RFX2: variants seen among roughly 807,000 people sequenced by gnomAD.
RFX2 encodes the protein DNA-binding protein RFX2.
A neutral mutation model predicts 87.8 loss-of-function variants in RFX2; 20 were observed. That is an observed-to-expected ratio of 0.23 (90% confidence interval 0.16 to 0.33). RFX2 has a LOEUF of 0.33. Ranked by LOEUF, RFX2 falls within the 10% of genes least tolerant of loss-of-function variation. RFX2 has a pLI of 1.00. For missense variants in RFX2, 767 were observed against 1,012.3 expected (o/e 0.76, Z 3.29); for synonymous variants, 397 against 431.3 (o/e 0.92, Z 0.98).
chr19:6,046,008 C>T (rs2087184975), intron 2 of RFX2, among the ~76,000 whole-genome samples: 1 of 152,048 alleles, frequency 6.6e-6, no homozygotes, highest in Non-Finnish European at 1.5e-5. Flanking sequence ...GTTTTAAAAC[C>T]ATAATCATTT....
intron 5 of RFX2, among the ~76,000 whole-genome samples, chr19:6,033,183 A>G (rs1039604778): frequency 6.6e-6 from 1 of 152,134 alleles, no homozygotes. Flanking sequence ...CTTAACTTCA[A>G]CACTCTTAAC....
At chr19:6,019,591 T>G (rs2086781756) in intron 6 of RFX2, among the ~76,000 whole-genome samples, 1 of 147,622 alleles carries the variant, frequency 6.8e-6, no homozygotes. Flanking sequence ...CAGGGATATA[T>G]ATATATATAT....
chr19:6,055,286 G>C (rs1003123474), intron 1 of RFX2, among the ~76,000 whole-genome samples: 10 of 152,142 alleles, frequency 6.6e-5, no homozygotes, highest in African/African-American at 2.2e-4. Flanking sequence ...CTGGAAAGAG[G>C]TTTGGCAGTT....
At chr19:6,029,623 T>C (rs2086931568) in intron 5 of RFX2, among the ~76,000 whole-genome samples, 1 of 152,090 alleles carries the variant, frequency 6.6e-6, no homozygotes, top group Admixed American at 6.6e-5. Flanking sequence ...GCCTGAGAAC[T>C]GTTGAGCCTG....
At chr19:6,073,586 T>C (rs2087640736) in intron 1 of RFX2, 3 of 342,334 alleles carry the variant, frequency 8.8e-6, no homozygotes, top group Non-Finnish European at 1.6e-5. Context: ...TGCAAAAAGA[T>C]ATATAAAAAC....
chr19:6,061,385 G>A lies in RFX2; in HGVS notation c.-8-13881C>T, dbSNP rs557782732. Among the ~76,000 whole-genome samples the A allele has an allele frequency of 6.8e-4, 77 of 113,794 alleles. No individual in the cohort carries two copies. Among genetic ancestry groups the A allele is most frequent in the Non-Finnish European group, 1.1e-3 (64 of 58,212 alleles). 74.7% of individuals were successfully genotyped at this position (113,794 alleles called of 152,430 possible). A position where few individuals can be genotyped will look rare whatever the true frequency, so the allele number is the denominator to read the frequency against. ...ATCAAGGGATTAACTACCAAGGTGG[G>A]GGTTCCAGACCATTTCGATGTCGAA... On this transcript the variant is annotated intron_variant, in intron 1 of 17. Transcript: ENST00000303657. The surrounding 1 kb of genome is among the most constrained non-coding windows in gnomAD (Gnocchi z 5.2).
intron 16 of RFX2, among the ~76,000 whole-genome samples, chr19:5,996,335 G>C (rs572219835): frequency 2.4e-5 from 1 of 40,968 alleles, no homozygotes; most frequent in Non-Finnish European, 4.9e-5. Context: ...ACGGAGGGAC[G>C]AGCGGTCAGC....
At chr19:6,067,068 A>G (rs2087525051) in intron 1 of RFX2, among the ~76,000 whole-genome samples, 1 of 152,240 alleles carries the variant, frequency 6.6e-6, no homozygotes, top group Non-Finnish European at 1.5e-5. Flanking sequence ...AAGGAGGAAC[A>G]ACTCTCTCTG....
chr19:6,018,057 C>A (rs1201685909), intron 6 of RFX2, among the ~76,000 whole-genome samples: 2 of 152,124 alleles, frequency 1.3e-5, no homozygotes, highest in Non-Finnish European at 2.9e-5. Context: ...CACACTGCAA[C>A]CTCCACTTCC....
At position 6,044,267 on chromosome 19, in the gene RFX2, C is replaced by T; in HGVS notation, c.106G>A (p.Ala36Thr). ...GCCCCTTTGGGATTGGAGCTGGCTGCCTGGACCAACACCCTCTAAAAGGGA... is the reference window on the plus strand; with the variant it reads ...GCCCCTTTGGGATTGGAGCTGGCTGTCTGGACCAACACCCTCTAAAAGGGA... ...PASPQRVLVQ[A>T]ASSNPKGAQM... The change falls in exon 3 of 18, where the codon GCA becomes ACA. Residue 36 changes from alanine (A) to threonine (T), a missense_variant. Coordinates refer to ENST00000303657, the MANE Select transcript of RFX2 (RefSeq NM_000635.4). This position sits in a 1 kb window ranked among gnomAD's most constrained non-coding sequence, Gnocchi z 5.3. 1 of 1,564,412 alleles carries T rather than the reference C, an allele frequency of 6.4e-7. No individual in the cohort carries two copies. Among genetic ancestry groups the T allele is most frequent in the Non-Finnish European group, 8.7e-7 (1 of 1,154,838 alleles).
At chr19:6,085,900 T>G (rs2087849560) in intron 1 of RFX2, among the ~76,000 whole-genome samples, 1 of 152,074 alleles carries the variant, frequency 6.6e-6, no homozygotes, top group Non-Finnish European at 1.5e-5. Flanking sequence ...AAGACCAGCC[T>G]GGGCAACATA....
rs887412439 is a variant in RFX2 at position 5,998,788 on chromosome 19, G to A, written c.1860-1575C>T. On this transcript the variant is annotated intron_variant, in intron 15 of 17. Transcript: ENST00000303657. The surrounding 1 kb of genome is among the most constrained non-coding windows in gnomAD (Gnocchi z 4.2). ...TATCTCTGGGTTCCCAAATGGGCTC[G>A]CAGCTCCCAGAGAGTAGGAGCATCG... Among the ~76,000 whole-genome samples, 4 of 152,154 alleles carry A rather than the reference G, an allele frequency of 2.6e-5. No homozygotes were observed. Among genetic ancestry groups the A allele is most frequent in the Admixed American group, 6.5e-5 (1 of 15,276 alleles).
chr19:6,081,854 G>A (rs978636977), intron 1 of RFX2, among the ~76,000 whole-genome samples: 1 of 152,184 alleles, frequency 6.6e-6, no homozygotes, highest in African/African-American at 2.4e-5. Flanking sequence ...CTGGGAGGCC[G>A]AGGCGGGCAG....
intron 5 of RFX2, among the ~76,000 whole-genome samples, chr19:6,038,338 A>AAC (rs1201579772): frequency 6.3e-4 from 94 of 149,644 alleles, no homozygotes; most frequent in Admixed American, 2.0e-3. Context: ...GAAAAAAAAA[A>AAC]AAAAAAAAAA....
intron 1 of RFX2, among the ~76,000 whole-genome samples, chr19:6,105,774 G>C (rs2088207160): frequency 6.6e-6 from 1 of 152,118 alleles, no homozygotes; most frequent in Non-Finnish European, 1.5e-5. Context: ...GCTTGGGAGA[G>C]AGGAGTCAAG....
At chr19:6,082,293 C>CAAAA (rs34361456) in intron 1 of RFX2, among the ~76,000 whole-genome samples, 2 of 99,920 alleles carry the variant, frequency 2.0e-5, no homozygotes, top group African/African-American at 7.2e-5. Flanking sequence ...GACCCTGTCT[C>CAAAA]AAAAAAAAAA....
chr19:6,019,557 T>C (rs1430184558), intron 6 of RFX2, among the ~76,000 whole-genome samples: 2 of 144,314 alleles, frequency 1.4e-5, no homozygotes, highest in African/African-American at 2.8e-5. Context: ...TATACTTTTA[T>C]ATACTTTTTT....
At chr19:6,071,138 C>T (rs974769433) in intron 1 of RFX2, among the ~76,000 whole-genome samples, 3 of 152,226 alleles carry the variant, frequency 2.0e-5, no homozygotes, top group Non-Finnish European at 4.4e-5. Flanking sequence ...GCTATGTCAA[C>T]GTACAAACAT....
At chr19:6,066,889 T>C (rs1394083298) in intron 1 of RFX2, among the ~76,000 whole-genome samples, 1 of 152,088 alleles carries the variant, frequency 6.6e-6, no homozygotes, top group African/African-American at 2.4e-5. Context: ...CCAAACAATG[T>C]CATCCCGGAG....
Sources: allele counts gnomAD v4.1 joint callset (sites outside exome capture counted in the v4.1 genomes callset), GRCh38; gene constraint gnomAD v4.1.1; non-coding constraint Gnocchi (gnomAD v3.1); transcripts MANE v1.5; gene names NCBI Gene and HGNC (gene_info 2026-07-23, HGNC 2026-07-21).